SQOR: variants seen among roughly 807,000 people sequenced by gnomAD.
SQOR encodes the protein sulfide quinone oxidoreductase, also known as sulfide:quinone oxidoreductase, mitochondrial.
A neutral mutation model predicts 48.6 loss-of-function variants in SQOR; 39 were observed. The ratio of observed to expected loss-of-function variants is 0.80; its 90% CI spans 0.62 to 1.05. SQOR has a LOEUF of 1.05. SQOR is among the 50% of genes least tolerant of loss of function. The pLI is 0.00. For missense variants in SQOR, 561 were observed against 559.9 expected (o/e 1.00, Z -0.02); for synonymous variants, 220 against 206.2 (o/e 1.07, Z -0.57).
At chr15:45,661,146 G>A (rs910253247) in intron 2 of SQOR, among the ~76,000 whole-genome samples, 2 of 152,074 alleles carry the variant, frequency 1.3e-5, no homozygotes, top group East Asian at 3.9e-4. Flanking sequence ...GCCAGGCATG[G>A]TGGCACATGC....
At chr15:45,653,379 A>G (rs1889533002) in intron 1 of SQOR, among the ~76,000 whole-genome samples, 1 of 151,524 alleles carries the variant, frequency 6.6e-6, no homozygotes, top group Non-Finnish European at 1.5e-5. Flanking sequence ...CAAAGAACTC[A>G]GGGGAACACT....
chr15:45,649,317 T>C (rs1008713363), intron 1 of SQOR, among the ~76,000 whole-genome samples: 2 of 152,200 alleles, frequency 1.3e-5, no homozygotes, highest in African/African-American at 2.4e-5. Context: ...ACTGCAGTCA[T>C]ATCAAAGCAT....
At chr15:45,633,479 T>C (rs1235655665), upstream of SQOR, among the ~76,000 whole-genome samples, 2 of 151,822 alleles carry the variant, frequency 1.3e-5, no homozygotes, top group East Asian at 3.9e-4. Flanking sequence ...GTGGATCACT[T>C]GGTCAGGAGT....
chr15:45,669,996 T>C lies in SQOR; in HGVS notation c.459+15T>C. The C allele has an allele frequency of 1.2e-6, 2 of 1,613,098 alleles. No homozygotes were observed. Among genetic ancestry groups the C allele is most frequent in the Non-Finnish European group, 1.7e-6 (2 of 1,179,054 alleles). ...ACTATGAGAAGGTACCGTGTGAAAC[T>C]GTTTCTGTGTTACGCTGGCTTATCT... On this transcript the variant is annotated intron_variant, in intron 4 of 9. Coordinates refer to ENST00000260324, the MANE Select transcript of SQOR (RefSeq NM_021199.4).
intron 4 of SQOR, among the ~76,000 whole-genome samples, chr15:45,672,212 G>A (rs1889957611): frequency 1.3e-5 from 2 of 152,030 alleles, no homozygotes; most frequent in African/African-American, 4.8e-5. Context: ...CCAGGCAGGT[G>A]GGCAGAGGCC....
At chr15:45,638,019 C>T (rs1220537757) in intron 1 of SQOR, among the ~76,000 whole-genome samples, 1 of 152,208 alleles carries the variant, frequency 6.6e-6, no homozygotes, top group East Asian at 1.9e-4. Flanking sequence ...CCTTAAAAAT[C>T]TTTGTAATCC....
Position 45,673,760 on chromosome 15 carries a change from C to T in SQOR, c.613C>T (p.Pro205Ser). The T allele has an allele frequency of 1.2e-6, 2 of 1,614,122 alleles. No homozygotes were observed. The highest frequency in any genetic ancestry group is 1.7e-6 in the Non-Finnish European group (2 of 1,180,012). ...PNTPVKCAGA[P>S]QKIMYLSEAY... ...TACTCCAGTGAAGTGTGCTGGAGCC[C>T]CTCAGAAGATCATGTACTTATCAGA... The change falls in exon 5 of 10, where the codon CCT becomes TCT. Residue 205 changes from proline (P) to serine (S), a missense_variant. Physicochemically the swap from Pro to Ser is moderately conservative, Grantham distance 74 (BLOSUM62 -1). Coordinates refer to ENST00000260324, the MANE Select transcript of SQOR (RefSeq NM_021199.4).
rs191679109 is a variant in SQOR at position 45,680,310 on chromosome 15, C to T, written c.865-2168C>T. 3.9e-5 allele frequency among the ~76,000 whole-genome samples: 6 copies of T among 152,154 alleles called. No homozygotes were observed. In the East Asian group the frequency reaches 7.7e-4, roughly 20 times the overall value. ...GGTTTTGCTGTGTTGCTCAGGCTGGCCTCAAACTCCTGGGCTCAAGTGATC... is the reference window on the plus strand; with the variant it reads ...GGTTTTGCTGTGTTGCTCAGGCTGGTCTCAAACTCCTGGGCTCAAGTGATC... On this transcript the variant is annotated intron_variant, in intron 6 of 9. Transcript: ENST00000260324.
intron 1 of SQOR, among the ~76,000 whole-genome samples, chr15:45,650,426 C>G (rs1488223527): frequency 2.6e-5 from 4 of 152,176 alleles, no homozygotes; most frequent in Non-Finnish European, 5.9e-5. Context: ...GTCTCCCTGG[C>G]TCAGGAGTGA....
At chr15:45,686,941 C>A (rs946282611) in intron 7 of SQOR, among the ~76,000 whole-genome samples, 1 of 152,090 alleles carries the variant, frequency 6.6e-6, no homozygotes, top group Non-Finnish European at 1.5e-5. Context: ...TCCTGAGTAG[C>A]TGGAATTACA....
At chr15:45,651,345 C>T (rs574807416) in intron 1 of SQOR, among the ~76,000 whole-genome samples, 8 of 152,254 alleles carry the variant, frequency 5.3e-5, no homozygotes, top group Admixed American at 2.0e-4. Flanking sequence ...CGTGCTGGCC[C>T]GCGAGCGTCG....
chr15:45,633,555 G>A (rs1894936975), upstream of SQOR, among the ~76,000 whole-genome samples: 1 of 151,894 alleles, frequency 6.6e-6, no homozygotes, highest in South Asian at 2.1e-4. Flanking sequence ...TTAGCCATGG[G>A]TGGTGGTGGA....
Position 45,679,729 on chromosome 15 carries a change from T to C in SQOR, c.865-2749T>C, listed in dbSNP as rs1336216815. Among the ~76,000 whole-genome samples the C allele has an allele frequency of 2.0e-5, 3 of 152,334 alleles. No homozygotes were observed. In the East Asian group the frequency reaches 5.8e-4, roughly 29 times the overall value. ...AAAGAGATGAAGTGACTTGTCCAAATAATAGCATTCTATTTTTCTTTGTAA... is the reference window on the plus strand; with the variant it reads ...AAAGAGATGAAGTGACTTGTCCAAACAATAGCATTCTATTTTTCTTTGTAA... On this transcript the variant is annotated intron_variant, in intron 6 of 9. Transcript: ENST00000260324.
intron 7 of SQOR, among the ~76,000 whole-genome samples, chr15:45,684,607 T>G (rs1890187916): frequency 1.3e-5 from 2 of 151,838 alleles, no homozygotes; most frequent in African/African-American, 4.8e-5. Context: ...TCTCTCTCTC[T>G]CTCTCTTTTT....
At chr15:45,671,639 T>A (rs1234873687) in intron 4 of SQOR, among the ~76,000 whole-genome samples, 1 of 152,190 alleles carries the variant, frequency 6.6e-6, no homozygotes, top group Non-Finnish European at 1.5e-5. Context: ...TAGAGATCAT[T>A]GATGAAAATA....
intron 1 of SQOR, among the ~76,000 whole-genome samples, chr15:45,649,684 T>C (rs1051021721): frequency 2.6e-5 from 4 of 152,142 alleles, no homozygotes; most frequent in East Asian, 1.9e-4. Context: ...GGTTTCACCA[T>C]GTTGGCCAGG....
intron 3 of SQOR, among the ~76,000 whole-genome samples, chr15:45,666,184 G>A (rs1427312083): frequency 6.6e-6 from 1 of 152,116 alleles, no homozygotes; most frequent in African/African-American, 2.4e-5. Context: ...CTAGCTAACT[G>A]CTACTCATCT....
intron 1 of SQOR, among the ~76,000 whole-genome samples, chr15:45,646,529 T>C (rs1472650053): frequency 6.6e-6 from 1 of 152,220 alleles, no homozygotes; most frequent in Non-Finnish European, 1.5e-5. Context: ...TGGGAGGATG[T>C]ATGATTATAA....
chr15:45,676,624 T>C (rs1044891473), intron 6 of SQOR, among the ~76,000 whole-genome samples: 16 of 152,158 alleles, frequency 1.1e-4, no homozygotes, highest in African/African-American at 3.6e-4. Flanking sequence ...TCCACAACTT[T>C]GGTTACTGTG....
Sources: allele counts gnomAD v4.1 joint callset (sites outside exome capture counted in the v4.1 genomes callset), GRCh38; gene constraint gnomAD v4.1.1; transcripts MANE v1.5; gene names NCBI Gene and HGNC (gene_info 2026-07-23, HGNC 2026-07-21).